The following MACROD2 variants were observed in gnomAD, a reference collection of about 807,000 sequenced individuals.
The protein encoded by MACROD2 is mono-ADP ribosylhydrolase 2.
MACROD2 carries 36 observed loss-of-function variants against 70.4 expected under a neutral mutation model. The observed-to-expected ratio is 0.51, with a 90% CI of 0.39 to 0.68. The LOEUF (loss-of-function observed/expected upper bound fraction) is 0.68, where lower values mean the gene tolerates loss of function less well. MACROD2 is among the 30% of genes least tolerant of loss of function. The pLI, the probability that MACROD2 is intolerant of heterozygous loss-of-function variation, is 0.00. For missense variants in MACROD2, 496 were observed against 538.4 expected (o/e 0.92, Z 0.78); for synonymous variants, 172 against 178.8 (o/e 0.96, Z 0.30).
intron 5 of MACROD2, among the ~76,000 whole-genome samples, chr20:14,812,782 G>C (rs1290445052): frequency 6.6e-6 from 1 of 152,048 alleles, no homozygotes; most frequent in African/African-American, 2.4e-5. Context: ...TTCTCTAGCA[G>C]ACACCAAGTG....
chr20:15,524,079 G>T (rs1011812903), intron 8 of MACROD2, among the ~76,000 whole-genome samples: 3 of 152,272 alleles, frequency 2.0e-5, no homozygotes, highest in Admixed American at 1.3e-4. Flanking sequence ...TTGTCTGTGT[G>T]CACATTCATG....
intron 6 of MACROD2, among the ~76,000 whole-genome samples, chr20:15,424,052 A>G (rs2046265052): frequency 6.6e-6 from 1 of 151,440 alleles, no homozygotes; most frequent in Non-Finnish European, 1.5e-5. Flanking sequence ...AATGTCCTCT[A>G]GTGGCACTAA....
intron 5 of MACROD2, among the ~76,000 whole-genome samples, chr20:14,853,835 T>G (rs1434311675): frequency 6.6e-6 from 1 of 151,966 alleles, no homozygotes; most frequent in Non-Finnish European, 1.5e-5. Flanking sequence ...TTGTTTTGTT[T>G]TGGTGCTGGA....
intron 15 of MACROD2, among the ~76,000 whole-genome samples, chr20:16,039,762 A>G (rs1398177175): frequency 6.6e-6 from 1 of 151,962 alleles, no homozygotes; most frequent in Admixed American, 6.6e-5. Context: ...AGTGTTAACA[A>G]GTCCAGTTGG....
chr20:15,687,469 G>T (rs1199554635), intron 8 of MACROD2, among the ~76,000 whole-genome samples: 1 of 151,698 alleles, frequency 6.6e-6, no homozygotes, highest in Non-Finnish European at 1.5e-5. Context: ...TCTGGACACC[G>T]GTCATTGACT....
chr20:14,389,637 T>G (rs1331047050), intron 3 of MACROD2, among the ~76,000 whole-genome samples: 1 of 152,192 alleles, frequency 6.6e-6, no homozygotes, highest in Non-Finnish European at 1.5e-5. Context: ...ATTATGATAA[T>G]GGTACAGTGT....
At chr20:14,988,812 A>C (rs966485117) in intron 5 of MACROD2, among the ~76,000 whole-genome samples, 12 of 152,206 alleles carry the variant, frequency 7.9e-5, no homozygotes, top group Non-Finnish European at 1.6e-4. Context: ...CTGATGAAAC[A>C]GAAGGATTTA....
chr20:15,407,929 T>C (rs1366571224), intron 6 of MACROD2, among the ~76,000 whole-genome samples: 2 of 152,112 alleles, frequency 1.3e-5, no homozygotes, highest in Non-Finnish European at 2.9e-5. Flanking sequence ...TTCCTCAGGG[T>C]CACACAGCTC....
At chr20:15,075,026 T>G (rs1023326346) in intron 5 of MACROD2, among the ~76,000 whole-genome samples, 1 of 152,132 alleles carries the variant, frequency 6.6e-6, no homozygotes, top group Non-Finnish European at 1.5e-5. Flanking sequence ...TTGTCTTTGA[T>G]AATGGTGAGG....
chr20:14,437,787 TTG>T (rs1160826172), intron 3 of MACROD2, among the ~76,000 whole-genome samples: 1 of 152,188 alleles, frequency 6.6e-6, no homozygotes, highest in East Asian at 1.9e-4. Context: ...TCAGTAAAAA[TTG>T]TTTGAAGTGT....
rs74776267 is a variant in MACROD2 at position 14,101,854 on chromosome 20, C to G, written c.271+16126C>G. On this transcript the variant is annotated intron_variant, in intron 3 of 17. Coordinates refer to ENST00000684519, the MANE Select transcript of MACROD2 (RefSeq NM_001351661.2). ...TATTTTGAGTTTTTAAGCAAATAGA[C>G]AAAATAAAACATCAATTTCTCTGCA... 7.5e-3 allele frequency among the ~76,000 whole-genome samples: 1,134 copies of G among 151,702 alleles called. 15 individuals carry two copies. Among genetic ancestry groups the G allele is most frequent in the African/African-American group, 0.026 (1,060 of 41,410 alleles).
At position 15,639,335 on chromosome 20, in the gene MACROD2, A is replaced by G. The variant is rs145201459; in HGVS notation, c.645+139488A>G. ...ATAATCAGAACTGCTCACGACCTGC[A>G]TCGCTTAGTCCTGTACAATTTTGAG... On this transcript the variant is annotated intron_variant, in intron 8 of 17. Transcript: ENST00000684519. 3.1e-3 allele frequency among the ~76,000 whole-genome samples: 470 copies of G among 152,338 alleles called. 4 individuals carry two copies. Among genetic ancestry groups the G allele is most frequent in the African/African-American group, 0.011 (438 of 41,582 alleles).
intron 9 of MACROD2, among the ~76,000 whole-genome samples, chr20:15,863,198 A>T (rs1255375109): frequency 6.6e-6 from 1 of 152,052 alleles, no homozygotes. Context: ...TACCATGTTA[A>T]ATACCATTGT....
chr20:15,436,174 T>C (rs1454043343), intron 7 of MACROD2, among the ~76,000 whole-genome samples: 1 of 152,034 alleles, frequency 6.6e-6, no homozygotes, highest in Non-Finnish European at 1.5e-5. Context: ...ACTTCATATG[T>C]CCTGCATTAG....
At chr20:14,803,124 A>G (rs1159658568) in intron 5 of MACROD2, among the ~76,000 whole-genome samples, 1 of 152,064 alleles carries the variant, frequency 6.6e-6, no homozygotes, top group Non-Finnish European at 1.5e-5. Context: ...CCAGCAGAAA[A>G]TAAGTGTAAT....
intron 9 of MACROD2, among the ~76,000 whole-genome samples, chr20:15,867,455 C>T (rs2147172779): frequency 6.6e-6 from 1 of 152,282 alleles, no homozygotes; most frequent in South Asian, 2.1e-4. Context: ...TAGAGTGTGG[C>T]AGCTTTATGG....
At chr20:14,939,927 C>T (rs968545417) in intron 5 of MACROD2, among the ~76,000 whole-genome samples, 8 of 151,596 alleles carry the variant, frequency 5.3e-5, no homozygotes, top group Non-Finnish European at 1.2e-4. Flanking sequence ...TATATAAATG[C>T]TGATAATTTT....
intron 5 of MACROD2, among the ~76,000 whole-genome samples, chr20:14,855,405 G>A (rs150996158): frequency 2.0e-5 from 3 of 152,080 alleles, no homozygotes; most frequent in Non-Finnish European, 4.4e-5. Context: ...GGGACCTGGC[G>A]GGGGAAGGTC....
At chr20:15,391,073 C>G (rs2045786239) in intron 6 of MACROD2, among the ~76,000 whole-genome samples, 1 of 152,132 alleles carries the variant, frequency 6.6e-6, no homozygotes, top group Non-Finnish European at 1.5e-5. Context: ...CCTAAGATGA[C>G]AGCTAGAGGT....
Sources: allele counts gnomAD v4.1 joint callset (sites outside exome capture counted in the v4.1 genomes callset), GRCh38; gene constraint gnomAD v4.1.1; transcripts MANE v1.5; gene names NCBI Gene and HGNC (gene_info 2026-07-23, HGNC 2026-07-21).